NELL1: variants seen among roughly 807,000 people sequenced by gnomAD.
NELL1 encodes protein kinase C-binding protein NELL1.
Under a neutral mutation model 107.4 loss-of-function variants are expected in NELL1, and 76 were observed. The ratio of observed to expected loss-of-function variants is 0.71; its 90% CI spans 0.59 to 0.86. The LOEUF (loss-of-function observed/expected upper bound fraction) is 0.86, where lower values mean the gene tolerates loss of function less well. Among genes scored for constraint, NELL1 ranks in the 40% least tolerant of loss-of-function variants. The pLI is 0.00. For synonymous variants in NELL1, 353 were observed against 341.2 expected (o/e 1.03, Z -0.38); for missense variants, 1,024 against 1,005.5 (o/e 1.02, Z -0.25).
chr11:21,087,883 G>A (rs953961770), intron 12 of NELL1, among the ~76,000 whole-genome samples: 6 of 152,118 alleles, frequency 3.9e-5, no homozygotes, highest in African/African-American at 1.4e-4. Context: ...TGGCATAATT[G>A]GGCAGTTGTG....
At chr11:20,859,239 C>T (rs556705094) in intron 4 of NELL1, among the ~76,000 whole-genome samples, 8 of 152,286 alleles carry the variant, frequency 5.3e-5, no homozygotes, top group East Asian at 3.9e-4. Flanking sequence ...TGGGGTTCCA[C>T]GGACATTGGT....
chr11:20,717,466 G>A (rs1331022729), intron 2 of NELL1, among the ~76,000 whole-genome samples: 1 of 151,958 alleles, frequency 6.6e-6, no homozygotes, highest in Non-Finnish European at 1.5e-5. Flanking sequence ...TTTACACAAG[G>A]AACTTTACAA....
At position 21,194,417 on chromosome 11, in the gene NELL1, G is replaced by A. The variant is rs77966008; in HGVS notation, c.1427-34915G>A. On this transcript the variant is annotated intron_variant, in intron 13 of 19. Transcript: ENST00000357134. ...TGGTCCTCAACCTTCATTTCTTTCT[G>A]GAAGAGATTTTTAAAATGCATATGT... Among the ~76,000 whole-genome samples the A allele has an allele frequency of 7.2e-3, 1,092 of 152,072 alleles. 13 individuals are homozygous for A. The highest frequency in any genetic ancestry group is 0.024 in the African/African-American group (1,014 of 41,480).
intron 15 of NELL1, among the ~76,000 whole-genome samples, chr11:21,449,798 T>A (rs1475994477): frequency 6.6e-6 from 1 of 152,222 alleles, no homozygotes; most frequent in Non-Finnish European, 1.5e-5. Context: ...TACCAAGATT[T>A]GTTGAGAAGA....
intron 5 of NELL1, among the ~76,000 whole-genome samples, chr11:20,899,639 A>G (rs1002036979): frequency 2.0e-5 from 3 of 152,166 alleles, no homozygotes; most frequent in Non-Finnish European, 4.4e-5. Flanking sequence ...ACAGAAATTC[A>G]TAAAATAATG....
At chr11:20,835,255 C>T (rs530278348) in intron 3 of NELL1, among the ~76,000 whole-genome samples, 3 of 152,106 alleles carry the variant, frequency 2.0e-5, no homozygotes, top group East Asian at 1.9e-4. Flanking sequence ...TCTATCTTTC[C>T]GTAAGTTTTT....
chr11:21,291,546 T>C (rs1408824736), intron 14 of NELL1, among the ~76,000 whole-genome samples: 1 of 151,842 alleles, frequency 6.6e-6, no homozygotes, highest in East Asian at 1.9e-4. Context: ...AATAGAAAAA[T>C]AGGAACTCCT....
intron 5 of NELL1, among the ~76,000 whole-genome samples, chr11:20,912,811 AT>A (rs796604634): frequency 3.9e-5 from 6 of 152,144 alleles, no homozygotes; most frequent in African/African-American, 1.4e-4. Context: ...GATGGTAAAC[AT>A]ATGTTTATAG....
At chr11:21,572,230 T>C (rs1857114630) in intron 18 of NELL1, among the ~76,000 whole-genome samples, 1 of 151,834 alleles carries the variant, frequency 6.6e-6, no homozygotes, top group South Asian at 2.1e-4. Context: ...GAAATTTTCA[T>C]AGATAGAATT....
At chr11:20,789,348 G>T (rs1051952939) in intron 3 of NELL1, among the ~76,000 whole-genome samples, 5 of 152,192 alleles carry the variant, frequency 3.3e-5, no homozygotes, top group Non-Finnish European at 5.9e-5. Context: ...CCAGGTACCG[G>T]CAGGGTTACC....
chr11:20,975,874 CACATACATGTGTATTATATAT>C (rs1851609297), intron 12 of NELL1, among the ~76,000 whole-genome samples: 1 of 121,744 alleles, frequency 8.2e-6, no homozygotes, highest in African/African-American at 3.0e-5. Context: ...ATTATATATA[CACATACATGTGTATTATATAT>C]ACATATATGT....
At chr11:20,914,078 C>T (rs573743851) in intron 5 of NELL1, among the ~76,000 whole-genome samples, 2 of 152,154 alleles carry the variant, frequency 1.3e-5, no homozygotes, top group East Asian at 3.9e-4. Flanking sequence ...TATATTTTTA[C>T]CTACAGCATA....
chr11:20,817,782 C>G (rs1857655740), intron 3 of NELL1, among the ~76,000 whole-genome samples: 4 of 151,184 alleles, frequency 2.6e-5, no homozygotes, highest in Admixed American at 2.6e-4. Flanking sequence ...CCTCTTTATA[C>G]TGCTTTTGCT....
intron 13 of NELL1, among the ~76,000 whole-genome samples, chr11:21,120,241 A>G (rs1855333577): frequency 2.0e-5 from 3 of 152,142 alleles, no homozygotes. Flanking sequence ...AATGCCTTAA[A>G]AGTAATAGTT....
chr11:20,863,867 A>G (rs935450516), intron 4 of NELL1, among the ~76,000 whole-genome samples: 1 of 152,188 alleles, frequency 6.6e-6, no homozygotes, highest in Non-Finnish European at 1.5e-5. Flanking sequence ...GCACCTCAGG[A>G]GGCGGAAGCT....
chr11:20,767,719 T>TATAC (rs1554916670), intron 2 of NELL1, among the ~76,000 whole-genome samples: 1 of 150,710 alleles, frequency 6.6e-6, no homozygotes. Context: ...CAATATATCA[T>TATAC]ATTCATTCAT....
intron 12 of NELL1, among the ~76,000 whole-genome samples, chr11:21,053,595 G>T (rs757095871): frequency 6.6e-6 from 1 of 152,118 alleles, no homozygotes; most frequent in Non-Finnish European, 1.5e-5. Flanking sequence ...CTTAGAAGTA[G>T]CAGATGGTGC....
rs367830250 is a variant in NELL1 at position 21,060,572 on chromosome 11, C to T, written c.1301-53017C>T. Among the ~76,000 whole-genome samples the T allele has an allele frequency of 3.3e-5, 5 of 152,100 alleles. No homozygotes were observed. The East Asian group carries it at 9.6e-4, about 29-fold the overall frequency. ...TTGATATCAGCATTCCATTATGTAG[C>T]AAATAATGAGCCAGAGAGTTGGGAG... On this transcript the variant is annotated intron_variant, in intron 12 of 19. Coordinates refer to ENST00000357134, the MANE Select transcript of NELL1 (RefSeq NM_006157.5).
intron 15 of NELL1, among the ~76,000 whole-genome samples, chr11:21,405,990 TG>T (rs140418370): frequency 0.012 from 1,891 of 152,080 alleles, 30 homozygotes; most frequent in African/African-American, 0.044. Context: ...ATTCATAGAC[TG>T]AGCCAATAAG....
Sources: gnomAD v4.1 joint callset for allele counts (sites outside exome capture counted in the v4.1 genomes callset) on GRCh38, gnomAD v4.1.1 for gene constraint, MANE v1.5 for transcripts, NCBI Gene and HGNC (gene_info 2026-07-23, HGNC 2026-07-21) for gene names.